The following TSPAN33 variants were observed in gnomAD, a reference collection of about 807,000 sequenced individuals.
The protein encoded by TSPAN33 is tetraspanin 33.
TSPAN33 carries 27 observed loss-of-function variants against 34.8 expected under a neutral mutation model. That is an observed-to-expected ratio of 0.78 (90% CI 0.57 to 1.07). The LOEUF (loss-of-function observed/expected upper bound fraction) is 1.07. TSPAN33 is among the 50% of genes least tolerant of loss of function. The pLI, the probability that TSPAN33 is intolerant of heterozygous loss-of-function variation, is 0.00. For synonymous variants in TSPAN33, 119 were observed against 124.2 expected (o/e 0.96, Z 0.28); for missense variants, 272 against 324.9 (o/e 0.84, Z 1.25).
At chr7:129,153,077 AAAAAAG>A (rs1563136378) in intron 1 of TSPAN33, among the ~76,000 whole-genome samples, 5 of 142,778 alleles carry the variant, frequency 3.5e-5, no homozygotes, top group African/African-American at 1.1e-4. Context: ...AAAAAAAAAA[AAAAAAG>A]AAAAAGAAAA....
intron 2 of TSPAN33, among the ~76,000 whole-genome samples, chr7:129,161,960 A>G (rs560856624): frequency 2.8e-4 from 42 of 152,332 alleles, no homozygotes; most frequent in African/African-American, 9.1e-4. Flanking sequence ...TTTGAGGCTT[A>G]GGAAGTGTGT....
chr7:129,162,464 G>A lies in TSPAN33; in HGVS notation c.231G>A (p.Leu77=). 6.2e-7 allele frequency: 1 copy of A among 1,613,928 alleles called. No individual in the cohort carries two copies. ...TCGTGGTGGGTGTCCTCATGTTCCTGCTCACCTTCTGTGGCTGCATTGGGT... is the reference window on the plus strand; with the variant it reads ...TCGTGGTGGGTGTCCTCATGTTCCTACTCACCTTCTGTGGCTGCATTGGGT... ...LLIVVGVLMF[L]LTFCGCIGSL... The change falls in exon 3 of 8, where the codon CTG becomes CTA. Residue 77 remains leucine, a synonymous_variant. Coordinates refer to ENST00000486685, the MANE Select transcript of TSPAN33 (RefSeq NM_178562.5).
rs1017248309 is a variant in TSPAN33, at chr7:129,165,915, T to C, written c.460-863T>C. The stretch of plus-strand genomic sequence containing the variant: ...ACAGACAGAGACTCCGTCTCAAAAA[T>C]AAATAAGTGAAAAATAAAAGTTAAC... On this transcript the variant is annotated intron_variant, in intron 5 of 7. Coordinates refer to ENST00000486685, the MANE Select transcript of TSPAN33 (RefSeq NM_178562.5). This position sits in a 1 kb window ranked among gnomAD's most constrained non-coding sequence, Gnocchi z 4.5. 2.8e-5 allele frequency among the ~76,000 whole-genome samples: 4 copies of C among 143,342 alleles called. No individual in the cohort carries two copies. The highest frequency in any genetic ancestry group is 6.1e-5 in the Non-Finnish European group (4 of 65,888). The allele number at this position is 143,342 out of a possible 152,430, so 94.0% of individuals were successfully genotyped here. A position where few individuals can be genotyped will look rare whatever the true frequency, so the allele number is the denominator to read the frequency against.
chr7:129,154,603 T>A (rs1414065877), intron 1 of TSPAN33, among the ~76,000 whole-genome samples: 1 of 151,942 alleles, frequency 6.6e-6, no homozygotes, highest in African/African-American at 2.4e-5. Flanking sequence ...TAGCCGGGTG[T>A]GGTGGCTCAT....
intron 1 of TSPAN33, among the ~76,000 whole-genome samples, chr7:129,155,656 G>GT (rs34953537): frequency 6.7e-5 from 10 of 149,714 alleles, no homozygotes; most frequent in African/African-American, 2.5e-4. Context: ...CACTTTATTG[G>GT]TTTTTTTTTT....
At chr7:129,155,223 G>C (rs1810650531) in intron 1 of TSPAN33, among the ~76,000 whole-genome samples, 1 of 152,212 alleles carries the variant, frequency 6.6e-6, no homozygotes, top group South Asian at 2.1e-4. Context: ...TAGAGGTAGA[G>C]AATAGAATGA....
At chr7:129,159,432 C>T (rs1793017560) in intron 1 of TSPAN33, among the ~76,000 whole-genome samples, 1 of 152,166 alleles carries the variant, frequency 6.6e-6, no homozygotes, top group Non-Finnish European at 1.5e-5. Flanking sequence ...GTGAGTAGTG[C>T]TTGTTTGGCC....
Position 129,169,527 on chromosome 7 carries a change from T to G in TSPAN33, c.*1653T>G, listed in dbSNP as rs1793201021. ...CGGGAAATAGCCTCGACCGAACTGCTGCGGGGACAAAGAGCCGCGAGTTCG... is the reference window on the plus strand; with the variant it reads ...CGGGAAATAGCCTCGACCGAACTGCGGCGGGGACAAAGAGCCGCGAGTTCG... On this transcript the variant is annotated 3_prime_UTR_variant, in exon 8 of 8. Transcript: ENST00000486685. 6.6e-6 allele frequency: 1 copy of G among 152,346 alleles called. No individual in the cohort carries two copies. The highest frequency in any genetic ancestry group is 2.4e-5 in the African/African-American group (1 of 41,584). 9.4% of individuals were successfully genotyped at this position (152,346 alleles called of 1,614,324 possible).
intron 4 of TSPAN33, among the ~76,000 whole-genome samples, chr7:129,163,940 A>G (rs1793095987): frequency 1.3e-5 from 2 of 152,158 alleles, no homozygotes; most frequent in Non-Finnish European, 2.9e-5. Context: ...CTGTATCAAG[A>G]AAAGAAAAGA....
In TSPAN33 at chr7:129,144,741, C is replaced by T. The variant is rs1439445478; in HGVS notation, c.-240C>T. On this transcript the variant is annotated 5_prime_UTR_variant, in exon 1 of 8. Coordinates refer to ENST00000486685, the MANE Select transcript of TSPAN33 (RefSeq NM_178562.5). The stretch of plus-strand genomic sequence containing the variant: ...TGGCTGGCCGGGCTGGTCCTGCGGC[C>T]GCGGGTGAGTCTCGTCCGCTCGCGC... Among the ~76,000 whole-genome samples the T allele has an allele frequency of 2.0e-5, 2 of 101,580 alleles. No individual in the cohort carries two copies. Among genetic ancestry groups the T allele is most frequent in the Non-Finnish European group, 4.5e-5 (2 of 44,290 alleles). 66.6% of individuals were successfully genotyped at this position (101,580 alleles called of 152,430 possible). A position where few individuals can be genotyped will look rare whatever the true frequency, so the allele number is the denominator to read the frequency against.
chr7:129,145,773 G>C (rs1194872078), intron 1 of TSPAN33, among the ~76,000 whole-genome samples: 1 of 151,632 alleles, frequency 6.6e-6, no homozygotes, highest in African/African-American at 2.4e-5. Flanking sequence ...GGTGGAAAAA[G>C]TATTGGGCTG....
intron 6 of TSPAN33, 77 bp downstream of exon 6, chr7:129,166,983 G>A (rs1793151812): frequency 6.5e-7 from 1 of 1,530,468 alleles, no homozygotes; most frequent in Non-Finnish European, 8.9e-7. Context: ...TGCTACTGGG[G>A]ATCCCCATCC....
chr7:129,160,140 C>T (rs540901747), intron 1 of TSPAN33, among the ~76,000 whole-genome samples: 126 of 152,350 alleles, frequency 8.3e-4, no homozygotes, highest in South Asian at 3.5e-3. Flanking sequence ...GCTGAATGCA[C>T]CTGCCCTCCC....
rs1793154989 is a variant in TSPAN33, at chr7:129,167,175, G to A, written c.589-224G>A. ...TTATATAAGTAAACTTGTGTCTTAG[G>A]GGTTTGTTGTACAGATTATTCCACC... On this transcript the variant is annotated intron_variant, in intron 6 of 7. Transcript: ENST00000486685. The surrounding 1 kb of genome is among the most constrained non-coding windows in gnomAD (Gnocchi z 4.6). 2.6e-5 allele frequency among the ~76,000 whole-genome samples: 4 copies of A among 152,156 alleles called. 1 individual carries two copies. Among genetic ancestry groups the A allele is most frequent in the Admixed American group, 2.6e-4 (4 of 15,272 alleles).
At position 129,165,940 on chromosome 7, in the gene TSPAN33, C is replaced by CT. The variant is rs74993349; in HGVS notation, c.460-828dup. Among the ~76,000 whole-genome samples, 12,298 of 149,860 alleles carry CT rather than the reference C, an allele frequency of 0.082. 721 individuals carry two copies. Among genetic ancestry groups the CT allele is most frequent in the Admixed American group, 0.17 (2,629 of 15,152 alleles). On this transcript the variant is annotated intron_variant, in intron 5 of 7. Coordinates refer to ENST00000486685, the MANE Select transcript of TSPAN33 (RefSeq NM_178562.5). The surrounding 1 kb of genome is among the most constrained non-coding windows in gnomAD (Gnocchi z 4.5). ...TAAATAAGTGAAAAATAAAAGTTAA[C>CT]TTTTTTTTTTCCCTGAGACGGAGTC...
intron 1 of TSPAN33, among the ~76,000 whole-genome samples, chr7:129,153,229 G>A (rs955590023): frequency 3.3e-5 from 5 of 152,246 alleles, no homozygotes; most frequent in South Asian, 2.1e-4. Context: ...GGCTGGGGGC[G>A]GAGGACAGGG....
chr7:129,167,379 C>G lies in TSPAN33; in HGVS notation c.589-20C>G. ...TTATTGGAATTACAGTCCCAATTGGCTTTTCAACTCTTTCCCCAGGCAGTG... is the reference window on the plus strand; with the variant it reads ...TTATTGGAATTACAGTCCCAATTGGGTTTTCAACTCTTTCCCCAGGCAGTG... On this transcript the variant is annotated intron_variant, in intron 6 of 7. Coordinates refer to ENST00000486685, the MANE Select transcript of TSPAN33 (RefSeq NM_178562.5). The surrounding 1 kb of genome is among the most constrained non-coding windows in gnomAD (Gnocchi z 4.6). 2 of 1,600,818 alleles carry G rather than the reference C, an allele frequency of 1.2e-6. No individual in the cohort carries two copies. Among genetic ancestry groups the G allele is most frequent in the Non-Finnish European group, 1.7e-6 (2 of 1,170,198 alleles).
chr7:129,158,424 T>C (rs897858750), intron 1 of TSPAN33, among the ~76,000 whole-genome samples: 2 of 152,018 alleles, frequency 1.3e-5, no homozygotes, highest in African/African-American at 4.8e-5. Flanking sequence ...TTTTCAACTT[T>C]TATTTTAGGT....
intron 4 of TSPAN33, among the ~76,000 whole-genome samples, 174 bp downstream of exon 4, chr7:129,163,081 G>T (rs1040231819): frequency 6.6e-5 from 10 of 152,220 alleles, no homozygotes; most frequent in Non-Finnish European, 1.0e-4. Context: ...TATTTGAAGA[G>T]AATTTTAAGA....
Sources: gnomAD v4.1 joint callset for allele counts (sites outside exome capture counted in the v4.1 genomes callset) on GRCh38, gnomAD v4.1.1 for gene constraint, Gnocchi (gnomAD v3.1) non-coding constraint, MANE v1.5 for transcripts, NCBI Gene and HGNC (gene_info 2026-07-23, HGNC 2026-07-21) for gene names.